The following GAL3ST1 variants were observed in gnomAD, a reference collection of about 807,000 sequenced individuals.
GAL3ST1 encodes galactosylceramide sulfotransferase.
In GAL3ST1, 13 loss-of-function variants were observed where a neutral mutation model predicts 25.0. That is an observed-to-expected ratio of 0.52 (90% confidence interval 0.34 to 0.83). GAL3ST1 has a LOEUF of 0.83. Among genes scored for constraint, GAL3ST1 ranks in the 40% least tolerant of loss-of-function variants. The pLI is 0.02. For missense variants in GAL3ST1, 474 were observed against 613.6 expected, an observed-to-expected ratio of 0.77 and a Z score of 2.40; for synonymous variants, 274 against 277.8, an observed-to-expected ratio of 0.99 and a Z score of 0.14.
rs1328356268 is a variant in GAL3ST1 at position 30,556,005 on chromosome 22, G to T, written c.220C>A (p.Pro74Thr). 2 of 1,611,350 alleles carry T rather than the reference G, an allele frequency of 1.2e-6. No homozygotes were observed. Among genetic ancestry groups the T allele is most frequent in the Non-Finnish European group, 1.7e-6 (2 of 1,179,892 alleles). ...RANGSAGECQ[P>T]RRNIVFLKTH... ...TTCAAGAACACGATGTTGCGCCGCG[G>T]CTGGCACTCCCCCGCCGAGCCGTTG... Residue 74 changes from proline (P) to threonine (T), a missense_variant, in exon 4 of 4, where the codon CCG becomes ACG. Transcript: ENST00000406361.
intron 1 of GAL3ST1, among the ~76,000 whole-genome samples, chr22:30,568,938 T>C (rs916359249): frequency 6.6e-6 from 1 of 151,902 alleles, no homozygotes; most frequent in Non-Finnish European, 1.5e-5. Context: ...TAGCCGGGCG[T>C]GATGGCAGGC....
Position 30,556,057 on chromosome 22 carries a change from T to C in GAL3ST1, c.168A>G (p.Ala56=), listed in dbSNP as rs2146333893. Residue 56 remains alanine, a synonymous_variant, in exon 4 of 4, where the codon GCA becomes GCG. Transcript: ENST00000406361. ...CCCGGATCACTGCCTCTGGCTCGAGTGCAGGTGGAGAGCAGGACGCTGCGG... is the reference window on the plus strand; with the variant it reads ...CCCGGATCACTGCCTCTGGCTCGAGCGCAGGTGGAGAGCAGGACGCTGCGG... The part of the protein sequence containing the change: ...PEAAASCSPP[A]LEPEAVIRAN... 1 of 1,611,188 alleles carries C rather than the reference T, an allele frequency of 6.2e-7. No individual in the cohort carries two copies. The highest frequency in any genetic ancestry group is 8.5e-7 in the Non-Finnish European group (1 of 1,179,752).
At position 30,555,661 on chromosome 22, in the gene GAL3ST1, C is replaced by T; in HGVS notation, c.564G>A (p.Ser188=). 1 of 1,613,732 alleles carries T rather than the reference C, an allele frequency of 6.2e-7. No homozygotes were observed. The highest frequency in any genetic ancestry group is 8.5e-7 in the Non-Finnish European group (1 of 1,180,038). ...GGAACTCGGTCAGCTTGTCGCCGGCCGAGAGCTTCCACGTGAGGGGCACCA... is the reference window on the plus strand; with the variant it reads ...GGAACTCGGTCAGCTTGTCGCCGGCTGAGAGCTTCCACGTGAGGGGCACCA... The part of the protein sequence containing the change: ...GPVVPLTWKL[S]AGDKLTEFLQ... The change falls in exon 4 of 4, where the codon TCG becomes TCA. Residue 188 remains serine, a synonymous_variant. Transcript: ENST00000406361. The surrounding 1 kb of genome is among the most constrained non-coding windows in gnomAD (Gnocchi z 8.6).
intron 1 of GAL3ST1, among the ~76,000 whole-genome samples, chr22:30,570,322 T>G (rs1049589442): frequency 2.0e-5 from 3 of 152,180 alleles, no homozygotes; most frequent in African/African-American, 7.2e-5. Flanking sequence ...CTATTACAGT[T>G]CTGAGTGTGC....
At chr22:30,559,949 T>C (rs1275922504) in intron 1 of GAL3ST1, among the ~76,000 whole-genome samples, 2 of 152,190 alleles carry the variant, frequency 1.3e-5, no homozygotes, top group Admixed American at 1.3e-4. Flanking sequence ...TGCTAATAAC[T>C]ACATGCATGC....
At chr22:30,569,521 T>A (rs2086718860) in intron 1 of GAL3ST1, among the ~76,000 whole-genome samples, 1 of 151,798 alleles carries the variant, frequency 6.6e-6, no homozygotes, top group Non-Finnish European at 1.5e-5. Flanking sequence ...CTGTTTAGAA[T>A]ACTCTGAGTC....
At position 30,555,483 on chromosome 22, in the gene GAL3ST1, G is replaced by T; in HGVS notation, c.742C>A (p.Leu248Met). 1 of 1,613,666 alleles carries T rather than the reference G, an allele frequency of 6.2e-7. No homozygotes were observed. Among genetic ancestry groups the T allele is most frequent in the South Asian group, 1.1e-5 (1 of 91,084 alleles). ...HILEVERRFHLVLLQEYFDES... is the reference protein window; with the variant it reads ...HILEVERRFHMVLLQEYFDES... ...TCGAAGTACTCTTGAAGGAGCACCA[G>T]GTGGAAGCGACGCTCCACCTCCAGG... is the stretch of plus-strand genomic sequence containing the variant. Residue 248 changes from leucine to methionine, a missense_variant, in exon 4 of 4, where the codon CTG (leucine) becomes ATG (methionine). By Grantham distance (15) the Leu-to-Met change is conservative (BLOSUM62 2). Transcript: ENST00000406361. This position sits in a 1 kb window ranked among gnomAD's most constrained non-coding sequence, Gnocchi z 8.6.
At chr22:30,556,339 G>A (rs553677700) in intron 3 of GAL3ST1, among the ~76,000 whole-genome samples, 1 of 152,288 alleles carries the variant, frequency 6.6e-6, no homozygotes, top group South Asian at 2.1e-4. Context: ...GAGGCACACA[G>A]GCTCTCCTCT....
chr22:30,562,869 C>T (rs935151167), intron 1 of GAL3ST1, among the ~76,000 whole-genome samples: 37 of 152,230 alleles, frequency 2.4e-4, no homozygotes, highest in African/African-American at 8.7e-4. Flanking sequence ...GTAATCCCAG[C>T]ACTTTGGGAG....
chr22:30,566,864 C>A (rs1231000768), intron 1 of GAL3ST1, among the ~76,000 whole-genome samples: 1 of 152,210 alleles, frequency 6.6e-6, no homozygotes, highest in Non-Finnish European at 1.5e-5. Flanking sequence ...CCACCTTAGC[C>A]TCCCAAAGTG....
chr22:30,563,046 A>T (rs146914221), intron 1 of GAL3ST1, among the ~76,000 whole-genome samples: 1 of 151,892 alleles, frequency 6.6e-6, no homozygotes, highest in African/African-American at 2.4e-5. Flanking sequence ...AACCTGGGAG[A>T]CAGAGGTTGC....
intron 1 of GAL3ST1, among the ~76,000 whole-genome samples, chr22:30,565,377 C>G (rs993968040): frequency 6.6e-6 from 1 of 152,222 alleles, no homozygotes; most frequent in African/African-American, 2.4e-5. Flanking sequence ...GGTCACGCAG[C>G]TAGTAGAGGG....
Position 30,554,949 on chromosome 22 carries a change from G to C in GAL3ST1, c.*4C>G. On this transcript the variant is annotated 3_prime_UTR_variant, in exon 4 of 4. Coordinates refer to ENST00000406361, the MANE Select transcript of GAL3ST1 (RefSeq NM_001318104.2). ...AGGCAGGCAAGCCGCTGGGCGGTGGGACGTCACCACCGCAGGAAATCGCGA... is the reference window on the plus strand; with the variant it reads ...AGGCAGGCAAGCCGCTGGGCGGTGGCACGTCACCACCGCAGGAAATCGCGA... The C allele has an allele frequency of 6.4e-7, 1 of 1,554,470 alleles. No individual in the cohort carries two copies. The highest frequency in any genetic ancestry group is 1.2e-5 in the South Asian group (1 of 83,076).
chr22:30,554,871 G>A lies in GAL3ST1; in HGVS notation c.*82C>T. 3.5e-6 allele frequency: 4 copies of A among 1,158,310 alleles called. No homozygotes were observed. The highest frequency in any genetic ancestry group is 4.7e-6 in the Non-Finnish European group (4 of 843,328). The allele number at this position is 1,158,310 out of a possible 1,614,324, so 71.8% of individuals were successfully genotyped here. A position where few individuals can be genotyped will look rare whatever the true frequency, so the allele number is the denominator to read the frequency against. On this transcript the variant is annotated 3_prime_UTR_variant, in exon 4 of 4. Transcript: ENST00000406361. ...TCTGAGGTGGCACCAGGAGGGGGCTGGGGGCGGCCAGCACCAGCGGCGTCC... is the reference window on the plus strand; with the variant it reads ...TCTGAGGTGGCACCAGGAGGGGGCTAGGGGCGGCCAGCACCAGCGGCGTCC...
chr22:30,560,674 T>G (rs901501466), intron 1 of GAL3ST1: 2 of 152,162 alleles, frequency 1.3e-5, no homozygotes, highest in Non-Finnish European at 2.9e-5. Flanking sequence ...GAGGAGGGAT[T>G]AGGATTCCTG....
chr22:30,566,465 G>C lies in GAL3ST1; in HGVS notation c.-120+8001C>G, dbSNP rs2086627789. 2.0e-5 allele frequency among the ~76,000 whole-genome samples: 3 copies of C among 152,202 alleles called. No individual in the cohort carries two copies. The South Asian group carries it at 6.2e-4, about 32-fold the overall frequency. ...TTCATCTAGGTGAGAGTGAAGTGCAGGCTTTTGAACAAGAAGTGAGATCGT... is the reference window on the plus strand; with the variant it reads ...TTCATCTAGGTGAGAGTGAAGTGCACGCTTTTGAACAAGAAGTGAGATCGT... On this transcript the variant is annotated intron_variant, in intron 1 of 3. Coordinates refer to ENST00000406361, the MANE Select transcript of GAL3ST1 (RefSeq NM_001318104.2).
intron 1 of GAL3ST1, among the ~76,000 whole-genome samples, chr22:30,559,386 A>G (rs750110102): frequency 3.4e-4 from 51 of 151,984 alleles, no homozygotes; most frequent in Non-Finnish European, 5.6e-4. Flanking sequence ...GATTACAGGC[A>G]CACGCCACCA....
intron 1 of GAL3ST1, among the ~76,000 whole-genome samples, chr22:30,569,190 A>G (rs2086709769): frequency 6.6e-6 from 1 of 151,652 alleles, no homozygotes; most frequent in South Asian, 2.1e-4. Flanking sequence ...TCTTCAGCAG[A>G]GGAGGGAGCA....
At chr22:30,557,163 G>A in intron 3 of GAL3ST1, 99 bp downstream of exon 3, 2 of 1,287,458 alleles carry the variant, frequency 1.6e-6, no homozygotes, top group East Asian at 2.4e-5. Flanking sequence ...GGCTACCCAA[G>A]ATCACTGGGG....
Sources: gnomAD v4.1 joint callset for allele counts (sites outside exome capture counted in the v4.1 genomes callset) on GRCh38, gnomAD v4.1.1 for gene constraint, Gnocchi (gnomAD v3.1) non-coding constraint, MANE v1.5 for transcripts, NCBI Gene and HGNC (gene_info 2026-07-23, HGNC 2026-07-21) for gene names.